AFF3: variants seen among roughly 807,000 people sequenced by gnomAD.
The protein encoded by AFF3 is AF4/FMR2 family member 3.
AFF3 carries 32 observed loss-of-function variants against 129.7 expected under a neutral mutation model. The ratio of observed to expected loss-of-function variants is 0.25; its 90% CI spans 0.19 to 0.33. The LOEUF is 0.33. Ranked by LOEUF, AFF3 falls within the 10% of genes least tolerant of loss-of-function variation. The pLI is 1.00. For synonymous variants in AFF3, 644 were observed against 635.4 expected, an observed-to-expected ratio of 1.01 and a Z score of -0.20; for missense variants, 1,373 against 1,592.0, an observed-to-expected ratio of 0.86 and a Z score of 2.34.
intron 4 of AFF3, among the ~76,000 whole-genome samples, chr2:100,060,124 T>A (rs17023453): frequency 0.14 from 20,811 of 151,962 alleles, 1,653 homozygotes; most frequent in African/African-American, 0.17. Flanking sequence ...AACCCCAGCC[T>A]CCGAGAACAG....
intron 4 of AFF3, among the ~76,000 whole-genome samples, chr2:100,085,249 T>C (rs1223495999): frequency 7.0e-6 from 1 of 142,106 alleles, no homozygotes; most frequent in Non-Finnish European, 1.5e-5. Context: ...CACAGCTCTT[T>C]TTCAAAGCAA....
Position 99,593,864 on chromosome 2 carries a change from G to C in AFF3, c.1797C>G (p.Gly599=). The stretch of plus-strand genomic sequence containing the variant: ...GCTCCTCGGGCCGGTGGCAGTTGGC[G>C]CCGTCCCCGGCTGAGGTCCTCTCGG... The part of the protein sequence containing the change: ...RRTERTSAGD[G]ANCHRPEEPA... Residue 599 remains glycine (G), a synonymous_variant, in exon 15 of 25, where the codon GGC becomes GGG. Coordinates refer to ENST00000672756, the MANE Select transcript of AFF3 (RefSeq NM_001386135.1). 6.4e-7 allele frequency: 1 copy of C among 1,569,138 alleles called. No homozygotes were observed. Among genetic ancestry groups the C allele is most frequent in the Non-Finnish European group, 8.6e-7 (1 of 1,162,428 alleles).
At chr2:100,014,053 G>T (rs181722891) in intron 4 of AFF3, among the ~76,000 whole-genome samples, 94 of 151,726 alleles carry the variant, frequency 6.2e-4, no homozygotes, top group African/African-American at 1.7e-3. Context: ...AGCCAGCCAG[G>T]GGGGGATGAC....
chr2:99,829,814 T>C lies in AFF3; in HGVS notation c.921+7663A>G, dbSNP rs139639485. On this transcript the variant is annotated intron_variant, in intron 8 of 24. Transcript: ENST00000672756. ...CAAAGGATTATAAATCACTCTACTA[T>C]AAGGACACATGCACAAGTATGTTTA... 8.5e-3 allele frequency among the ~76,000 whole-genome samples: 1,289 copies of C among 152,264 alleles called. 19 individuals carry two copies. Among genetic ancestry groups the C allele is most frequent in the African/African-American group, 0.029 (1,217 of 41,552 alleles).
chr2:99,946,076 T>C (rs1290493461), intron 7 of AFF3, among the ~76,000 whole-genome samples: 1 of 152,194 alleles, frequency 6.6e-6, no homozygotes, highest in Non-Finnish European at 1.5e-5. Context: ...TCAAGAAACA[T>C]GTATCTTTCA....
intron 19 of AFF3, among the ~76,000 whole-genome samples, chr2:99,567,335 A>G (rs1408831951): frequency 6.6e-6 from 1 of 152,104 alleles, no homozygotes; most frequent in Non-Finnish European, 1.5e-5. Flanking sequence ...ATTTAGTATT[A>G]ATATTTCCTA....
At chr2:100,007,488 A>T in intron 5 of AFF3, 28 bp from the exon 6 acceptor site, 1 of 1,584,554 alleles carries the variant, frequency 6.3e-7, no homozygotes, top group Non-Finnish European at 8.6e-7. Context: ...CATCCACGCT[A>T]TTGTTAGAGA....
intron 13 of AFF3, among the ~76,000 whole-genome samples, chr2:99,643,055 A>ATTT (rs34572652): frequency 0.021 from 2,136 of 100,774 alleles, 59 homozygotes; most frequent in African/African-American, 0.029. Context: ...TACTTAAAAG[A>ATTT]TTTTTTTTTT....
At chr2:99,577,789 T>C (rs1331892059) in intron 18 of AFF3, among the ~76,000 whole-genome samples, 1 of 152,202 alleles carries the variant, frequency 6.6e-6, no homozygotes, top group Non-Finnish European at 1.5e-5. Context: ...TTTCCTCCTT[T>C]TAAAATGATG....
At chr2:100,118,048 G>C (rs904681764) in intron 2 of AFF3, among the ~76,000 whole-genome samples, 4 of 152,126 alleles carry the variant, frequency 2.6e-5, no homozygotes, top group African/African-American at 9.7e-5. Context: ...AACCAGGGAA[G>C]GCCACCAGGG....
chr2:99,876,390 C>T (rs538584516), intron 7 of AFF3, among the ~76,000 whole-genome samples: 10 of 152,290 alleles, frequency 6.6e-5, no homozygotes, highest in Non-Finnish European at 1.5e-4. Context: ...GGAACATCCA[C>T]CTTATAAACC....
chr2:99,596,778 A>T (rs1216129410), intron 14 of AFF3, among the ~76,000 whole-genome samples: 1 of 152,244 alleles, frequency 6.6e-6, no homozygotes, highest in Non-Finnish European at 1.5e-5. Context: ...GCAGAATTTA[A>T]TACATTTAGT....
intron 7 of AFF3, among the ~76,000 whole-genome samples, chr2:99,914,364 A>T (rs1695311263): frequency 6.6e-6 from 1 of 152,210 alleles, no homozygotes; most frequent in African/African-American, 2.4e-5. Flanking sequence ...GTAAGGGACA[A>T]AACAAGCCCA....
intron 7 of AFF3, among the ~76,000 whole-genome samples, chr2:99,938,853 T>C (rs1054585184): frequency 6.6e-6 from 1 of 152,212 alleles, no homozygotes; most frequent in Admixed American, 6.5e-5. Context: ...ATGTATATAA[T>C]ATACACTTGT....
At chr2:99,967,292 C>G (rs73964387) in intron 7 of AFF3, among the ~76,000 whole-genome samples, 1 of 151,754 alleles carries the variant, frequency 6.6e-6, no homozygotes, top group Non-Finnish European at 1.5e-5. Context: ...TGACCACCCC[C>G]CCGCCCCCAA....
At chr2:99,950,942 A>C (rs1676103047) in intron 7 of AFF3, among the ~76,000 whole-genome samples, 1 of 152,234 alleles carries the variant, frequency 6.6e-6, no homozygotes, top group Admixed American at 6.5e-5. Flanking sequence ...GTGCACACAC[A>C]TACACATATG....
At chr2:99,621,932 T>C (rs1020633560) in intron 13 of AFF3, among the ~76,000 whole-genome samples, 1 of 152,094 alleles carries the variant, frequency 6.6e-6, no homozygotes, top group Non-Finnish European at 1.5e-5. Context: ...AGGAACCATT[T>C]ATCCTTCCTT....
chr2:100,088,546 AAAATTTTG>A (rs529834452), intron 4 of AFF3, among the ~76,000 whole-genome samples: 20 of 149,486 alleles, frequency 1.3e-4, no homozygotes, highest in African/African-American at 4.9e-4. Flanking sequence ...ACAGCTCTGG[AAAATTTTG>A]TTTTCCAAAC....
At chr2:99,955,664 A>G (rs116336665) in intron 7 of AFF3, among the ~76,000 whole-genome samples, 1,986 of 152,338 alleles carry the variant, frequency 0.013, 53 homozygotes, top group African/African-American at 0.045. Flanking sequence ...TTAATGCAAA[A>G]ATAACATTCT....
Sources: allele counts gnomAD v4.1 joint callset (sites outside exome capture counted in the v4.1 genomes callset), GRCh38; gene constraint gnomAD v4.1.1; transcripts MANE v1.5; gene names NCBI Gene and HGNC (gene_info 2026-07-23, HGNC 2026-07-21).